The following NRG1 variants were observed in gnomAD, a reference collection of about 807,000 sequenced individuals.
NRG1 encodes the protein neuregulin 1.
In NRG1, 18 loss-of-function variants were observed where a neutral mutation model predicts 63.8. That is an observed-to-expected ratio of 0.28 (90% confidence interval 0.19 to 0.42). The LOEUF (loss-of-function observed/expected upper bound fraction) is 0.42. Among genes scored for constraint, NRG1 ranks in the 10% least tolerant of loss-of-function variants. The pLI, the probability that NRG1 is intolerant of heterozygous loss-of-function variation, is 1.00. For missense variants in NRG1, 762 were observed against 814.7 expected, an observed-to-expected ratio of 0.94 and a Z score of 0.79; for synonymous variants, 302 against 301.3, an observed-to-expected ratio of 1.00 and a Z score of -0.02.
chr8:32,411,360 A>C (rs1320602291), intron 1 of NRG1, among the ~76,000 whole-genome samples: 4 of 152,328 alleles, frequency 2.6e-5, no homozygotes, highest in East Asian at 3.9e-4. Context: ...GTAGAGTAAA[A>C]CTTTATAAAG....
At chr8:32,201,671 C>T (rs554155601) in intron 1 of NRG1, among the ~76,000 whole-genome samples, 1 of 152,306 alleles carries the variant, frequency 6.6e-6, no homozygotes, top group East Asian at 1.9e-4. Context: ...AAATCTGAGT[C>T]TTACAAATAA....
chr8:31,645,679 T>C (rs899210905), intron 1 of NRG1, among the ~76,000 whole-genome samples: 1 of 152,216 alleles, frequency 6.6e-6, no homozygotes, highest in African/African-American at 2.4e-5. Context: ...TTTTTGGTCT[T>C]CTTCAGGAGA....
upstream of NRG1, among the ~76,000 whole-genome samples, chr8:32,544,458 C>T (rs1350782670): frequency 6.8e-6 from 1 of 147,832 alleles, no homozygotes; most frequent in Admixed American, 6.9e-5. Flanking sequence ...ATTTGTTTCT[C>T]TACTGCCTAG....
Position 31,640,836 on chromosome 8 carries a change from G to A in NRG1, c.37+1405G>A. ...GCCCGAGCAAGGCAGAGGCGCTCTG[G>A]GTCCCAGTTGTTGGTTTCAGGGTGG... On this transcript the variant is annotated intron_variant, in intron 1 of 10. Coordinates refer to the NRG1 transcript ENST00000519301. This position sits in a 1 kb window ranked among gnomAD's most constrained non-coding sequence, Gnocchi z 6.3. The A allele has an allele frequency of 1.4e-6, 2 of 1,406,326 alleles. No individual in the cohort carries two copies. The highest frequency in any genetic ancestry group is 2.8e-5 in the East Asian group (1 of 35,666). The allele number at this position is 1,406,326 out of a possible 1,614,324, so 87.1% of individuals were successfully genotyped here. A position where few individuals can be genotyped will look rare whatever the true frequency, so the allele number is the denominator to read the frequency against.
At chr8:32,244,419 G>C (rs1372380847) in intron 1 of NRG1, among the ~76,000 whole-genome samples, 10 of 152,034 alleles carry the variant, frequency 6.6e-5, no homozygotes, top group Non-Finnish European at 1.0e-4. Context: ...ACCAAAGCAG[G>C]GACTATATTT....
intron 1 of NRG1, among the ~76,000 whole-genome samples, chr8:31,806,135 C>A (rs1026648706): frequency 6.6e-6 from 1 of 151,874 alleles, no homozygotes; most frequent in African/African-American, 2.4e-5. Flanking sequence ...CATTAAATTG[C>A]CAAATCTTGA....
At chr8:31,979,271 T>G (rs547042081) in intron 1 of NRG1, among the ~76,000 whole-genome samples, 9 of 152,278 alleles carry the variant, frequency 5.9e-5, no homozygotes, top group African/African-American at 2.2e-4. Context: ...GGAAACAGGA[T>G]AATGGAGCTA....
chr8:31,714,140 T>C (rs909436657), intron 1 of NRG1, among the ~76,000 whole-genome samples: 2 of 152,346 alleles, frequency 1.3e-5, no homozygotes, highest in South Asian at 2.1e-4. Context: ...AGACTATGTA[T>C]GCTTGGAAGT....
At chr8:31,761,180 T>G (rs969733020) in intron 1 of NRG1, among the ~76,000 whole-genome samples, 14 of 152,288 alleles carry the variant, frequency 9.2e-5, no homozygotes, top group Admixed American at 1.3e-4. Context: ...GAAATCATTA[T>G]TCTCAGTAAA....
chr8:32,148,189 C>A (rs905858324), intron 1 of NRG1, among the ~76,000 whole-genome samples: 6 of 151,998 alleles, frequency 3.9e-5, no homozygotes, highest in African/African-American at 1.5e-4. Context: ...ATACCCATTT[C>A]AAATATGAGG....
At chr8:32,333,628 G>A (rs999213313) in intron 1 of NRG1, among the ~76,000 whole-genome samples, 1 of 152,112 alleles carries the variant, frequency 6.6e-6, no homozygotes. Flanking sequence ...TGTAATCAAT[G>A]TTTTTAAAGT....
intron 1 of NRG1, among the ~76,000 whole-genome samples, chr8:31,845,131 A>G (rs1826565777): frequency 1.3e-5 from 2 of 151,890 alleles, no homozygotes; most frequent in East Asian, 3.9e-4. Flanking sequence ...ATAAATAAAT[A>G]AATAAATAAA....
chr8:32,350,186 G>C (rs1449579354), intron 1 of NRG1, among the ~76,000 whole-genome samples: 2 of 152,170 alleles, frequency 1.3e-5, no homozygotes, highest in Non-Finnish European at 2.9e-5. Flanking sequence ...AGTGGACATG[G>C]AAAGTAAACA....
At chr8:32,040,688 TAAATTTAGTTCTG>T (rs1819812005) in intron 1 of NRG1, among the ~76,000 whole-genome samples, 1 of 141,752 alleles carries the variant, frequency 7.1e-6, no homozygotes, top group South Asian at 2.2e-4. Context: ...CACACATATA[TAAATTTAGTTCTG>T]AAATTTAGGC....
At chr8:32,321,610 C>G (rs143541688) in intron 1 of NRG1, among the ~76,000 whole-genome samples, 51 of 150,566 alleles carry the variant, frequency 3.4e-4, no homozygotes, top group African/African-American at 1.1e-3. Context: ...TAGTTGAATT[C>G]ATTTTAAATG....
chr8:31,850,709 T>A (rs1485518973), intron 1 of NRG1, among the ~76,000 whole-genome samples: 1 of 152,152 alleles, frequency 6.6e-6, no homozygotes, highest in African/African-American at 2.4e-5. Flanking sequence ...ACTCATCAGC[T>A]CCAGGTCACC....
At chr8:31,667,856 G>T (rs776949752) in intron 1 of NRG1, among the ~76,000 whole-genome samples, 1 of 152,094 alleles carries the variant, frequency 6.6e-6, no homozygotes, top group Non-Finnish European at 1.5e-5. Flanking sequence ...TCCGAAGATT[G>T]GAAATTGCCA....
intron 1 of NRG1, among the ~76,000 whole-genome samples, chr8:32,398,695 G>A (rs1270012953): frequency 1.3e-5 from 2 of 152,278 alleles, no homozygotes; most frequent in East Asian, 3.9e-4. Flanking sequence ...AATTACAGGT[G>A]TGAGACACTG....
At chr8:31,998,572 C>T (rs1183560698) in intron 1 of NRG1, among the ~76,000 whole-genome samples, 1 of 151,956 alleles carries the variant, frequency 6.6e-6, no homozygotes, top group Non-Finnish European at 1.5e-5. Context: ...TTGGAGATAG[C>T]TCATTGAATG....
Sources: allele counts gnomAD v4.1 joint callset (sites outside exome capture counted in the v4.1 genomes callset), GRCh38; gene constraint gnomAD v4.1.1; non-coding constraint Gnocchi (gnomAD v3.1); transcripts MANE v1.5; gene names NCBI Gene and HGNC (gene_info 2026-07-23, HGNC 2026-07-21).